The following MICAL2 variants were observed in gnomAD, a reference collection of about 807,000 sequenced individuals.
The protein encoded by MICAL2 is [F-actin]-monooxygenase MICAL2.
In MICAL2, 77 loss-of-function variants were observed where a neutral mutation model predicts 127.3. The observed-to-expected ratio is 0.60, with a 90% confidence interval of 0.50 to 0.73. The LOEUF (loss-of-function observed/expected upper bound fraction) is 0.73. MICAL2 is among the 30% of genes least tolerant of loss of function. The pLI is 0.00. For synonymous variants in MICAL2, 570 were observed against 551.1 expected (o/e 1.03, Z -0.48); for missense variants, 1,351 against 1,434.4 (o/e 0.94, Z 0.94).
At chr11:12,187,426 G>T (rs763011217) in intron 3 of MICAL2, among the ~76,000 whole-genome samples, 3 of 152,230 alleles carry the variant, frequency 2.0e-5, no homozygotes, top group Non-Finnish European at 2.9e-5. Flanking sequence ...TTACAATGGG[G>T]AGAGCAACAC....
Position 12,242,633 on chromosome 11 carries a change from ATC to A in MICAL2, c.2557-32_2557-31del, listed in dbSNP as rs1199903997. ...GCCAACTGTCTCAGTCTCTGTCACT[ATC>A]TCTCTTTTCTTTCTCCTTTCTCACC... is the stretch of plus-strand genomic sequence containing the variant. On this transcript the variant is annotated intron_variant, in intron 19 of 27. Coordinates refer to ENST00000683283, the MANE Select transcript of MICAL2 (RefSeq NM_001282663.2). 2.1e-5 allele frequency: 33 copies of A among 1,573,392 alleles called. No homozygotes were observed. In the East Asian group the frequency reaches 6.7e-4, roughly 32 times the overall value.
intron 2 of MICAL2, among the ~76,000 whole-genome samples, chr11:12,160,099 C>G (rs80163847): frequency 0.018 from 2,694 of 152,262 alleles, 82 homozygotes; most frequent in Admixed American, 0.063. Flanking sequence ...GTGCCAGGCA[C>G]CTCGGAAGCT....
chr11:12,339,637 C>T (rs1022526379), intron 32 of MICAL2, among the ~76,000 whole-genome samples: 1 of 152,080 alleles, frequency 6.6e-6, no homozygotes, highest in Non-Finnish European at 1.5e-5. Context: ...TGTGGATGTC[C>T]TTTCTGTTTG....
At chr11:12,268,651 C>A (rs1397386344), downstream of MICAL2, among the ~76,000 whole-genome samples, 11 of 152,148 alleles carry the variant, frequency 7.2e-5, no homozygotes, top group East Asian at 2.1e-3. Context: ...GGCTGCCTGC[C>A]CGGCAGCAGA....
intron 2 of MICAL2, among the ~76,000 whole-genome samples, chr11:12,151,419 T>C (rs1366930169): frequency 6.6e-6 from 1 of 152,186 alleles, no homozygotes; most frequent in African/African-American, 2.4e-5. Context: ...TGGGAAGGAA[T>C]GCCTTCTGAT....
chr11:12,150,164 C>T (rs1208311204), intron 2 of MICAL2, among the ~76,000 whole-genome samples: 2 of 152,138 alleles, frequency 1.3e-5, no homozygotes, highest in Non-Finnish European at 2.9e-5. Flanking sequence ...TTTGTTTTCT[C>T]CCATAAAAGC....
upstream of MICAL2, among the ~76,000 whole-genome samples, chr11:12,272,612 G>A (rs1033628384): frequency 2.8e-4 from 42 of 152,170 alleles, no homozygotes; most frequent in African/African-American, 9.7e-4. Context: ...TATGTAATAA[G>A]CCTCCCCAGT....
chr11:12,276,306 T>G, intron 1 of MICAL2: 1 of 397,360 alleles, frequency 2.5e-6, no homozygotes, highest in Non-Finnish European at 4.4e-6. Flanking sequence ...ATGGCGACAA[T>G]CATAGTACCC....
intron 18 of MICAL2, 119 bp downstream of exon 18, chr11:12,241,281 A>C (rs1859915887): frequency 7.7e-7 from 1 of 1,297,098 alleles, no homozygotes; most frequent in Admixed American, 2.4e-5. Context: ...TTTTCTGGAC[A>C]CACCTTGATG....
intron 29 of MICAL2, among the ~76,000 whole-genome samples, chr11:12,314,577 C>G (rs1029957072): frequency 6.6e-6 from 1 of 151,506 alleles, no homozygotes; most frequent in African/African-American, 2.4e-5. Flanking sequence ...CTCCTGGGTT[C>G]ACGCCATTCC....
intron 13 of MICAL2, chr11:12,225,892 A>T (rs968832693): frequency 1.7e-5 from 8 of 460,206 alleles, no homozygotes; most frequent in African/African-American, 1.5e-4. Flanking sequence ...AAAGTAAAAT[A>T]GCTCATAAAT....
chr11:12,179,625 A>G (rs568862445), intron 3 of MICAL2, among the ~76,000 whole-genome samples: 7 of 152,138 alleles, frequency 4.6e-5, no homozygotes, highest in African/African-American at 9.6e-5. Flanking sequence ...GGGAGCCCAC[A>G]TTGTGCCTTT....
chr11:12,290,624 T>A (rs1224848571), downstream of MICAL2, among the ~76,000 whole-genome samples: 3 of 152,136 alleles, frequency 2.0e-5, no homozygotes, highest in Non-Finnish European at 4.4e-5. Context: ...GGGGGTGCGG[T>A]AGTGGGAGGC....
chr11:12,160,621 A>T (rs1854672747), intron 2 of MICAL2, among the ~76,000 whole-genome samples: 1 of 152,196 alleles, frequency 6.6e-6, no homozygotes, highest in Middle Eastern at 3.2e-3. Flanking sequence ...TCTTCTAGTA[A>T]AATAAATCTC....
chr11:12,324,854 G>A (rs183606509), intron 31 of MICAL2, among the ~76,000 whole-genome samples: 25 of 152,262 alleles, frequency 1.6e-4, no homozygotes, highest in African/African-American at 5.5e-4. Context: ...CTTTCACCTA[G>A]TGAATGGGGA....
intron 1 of MICAL2, among the ~76,000 whole-genome samples, chr11:12,122,982 C>T (rs931341612): frequency 3.3e-5 from 5 of 152,082 alleles, no homozygotes; most frequent in Non-Finnish European, 7.4e-5. Context: ...CCCAGTTCTT[C>T]CCCTTGGGTG....
chr11:12,198,099 C>A (rs1188249884), intron 3 of MICAL2, among the ~76,000 whole-genome samples: 1 of 151,910 alleles, frequency 6.6e-6, no homozygotes, highest in Non-Finnish European at 1.5e-5. Flanking sequence ...TACTGGCCAA[C>A]CCCCTCTCAG....
Position 12,213,330 on chromosome 11 carries a change from C to T in MICAL2, c.767C>T (p.Ala256Val), listed in dbSNP as rs750975984. 2.5e-5 allele frequency: 41 copies of T among 1,613,930 alleles called. No individual in the cohort carries two copies. The highest frequency in any genetic ancestry group is 5.5e-5 in the South Asian group (5 of 91,072). The change falls in exon 7 of 28, where the codon GCG becomes GTG. Residue 256 changes from alanine (A) to valine (V), a missense_variant. Coordinates refer to ENST00000683283, the MANE Select transcript of MICAL2 (RefSeq NM_001282663.2). Reference sequence around the variant, plus strand: ...AACTTCATAAACAGAAACAGCACAGCGGAAGCCAAGGTGGAAGAGATTAGT... The same window carrying T: ...AACTTCATAAACAGAAACAGCACAGTGGAAGCCAAGGTGGAAGAGATTAGT... ...TANFINRNST[A>V]EAKVEEISGV... is the part of the protein sequence containing the mutation.
chr11:12,337,932 T>A (rs1455591957), intron 32 of MICAL2, among the ~76,000 whole-genome samples: 1 of 152,228 alleles, frequency 6.6e-6, no homozygotes, highest in African/African-American at 2.4e-5. Flanking sequence ...TATATTCTGT[T>A]GATTTGGGGC....
Sources: gnomAD v4.1 joint callset for allele counts (sites outside exome capture counted in the v4.1 genomes callset) on GRCh38, gnomAD v4.1.1 for gene constraint, MANE v1.5 for transcripts, NCBI Gene and HGNC (gene_info 2026-07-23, HGNC 2026-07-21) for gene names.